The following IGF2BP1 variants were observed in gnomAD, a reference collection of about 807,000 sequenced individuals.
IGF2BP1 encodes insulin like growth factor 2 mRNA binding protein 1.
In IGF2BP1, 11 loss-of-function variants were observed where a neutral mutation model predicts 74.9. The observed-to-expected ratio is 0.15, with a 90% CI of 0.09 to 0.24. IGF2BP1 has a LOEUF of 0.24. Ranked by LOEUF, IGF2BP1 falls within the 10% of genes least tolerant of loss-of-function variation. The pLI is 1.00. For missense variants in IGF2BP1, 440 were observed against 757.4 expected (o/e 0.58, Z 4.92); for synonymous variants, 287 against 281.8 (o/e 1.02, Z -0.18).
Position 49,046,257 on chromosome 17 carries a change from C to T in IGF2BP1, c.1528-3C>T. 6.2e-7 allele frequency: 1 copy of T among 1,613,072 alleles called. No homozygotes were observed. Among genetic ancestry groups the T allele is most frequent in the Non-Finnish European group, 8.5e-7 (1 of 1,179,014 alleles). On this transcript the variant is annotated splice_polypyrimidine_tract_variant and splice_region_variant and intron_variant, in intron 13 of 14. Transcript: ENST00000290341. ...CCCTGAGCTCCTCTCTGGCCACCCC[C>T]AGGTGAACGAGTTGCAGAATTTGAC...
intron 5 of IGF2BP1, among the ~76,000 whole-genome samples, chr17:49,033,104 G>A (rs1381895397): frequency 1.3e-5 from 2 of 151,968 alleles, no homozygotes; most frequent in African/African-American, 2.4e-5. Context: ...CAGCCACCTC[G>A]CCTGCCCTTT....
At position 49,023,424 on chromosome 17, in the gene IGF2BP1, G is replaced by C. The variant is rs192079188; in HGVS notation, c.237-2194G>C. On this transcript the variant is annotated intron_variant, in intron 2 of 14. Transcript: ENST00000290341. ...ACATTTAGAATTGCAGGCTAGAAAA[G>C]ATCATAAAGATCTTGCTGTACCCAC... is the stretch of plus-strand genomic sequence containing the variant. Among the ~76,000 whole-genome samples, 22 of 151,892 alleles carry C rather than the reference G, an allele frequency of 1.4e-4. No individual in the cohort carries two copies. In the East Asian group the frequency reaches 3.3e-3, roughly 23 times the overall value.
intron 2 of IGF2BP1, among the ~76,000 whole-genome samples, chr17:49,017,436 G>A (rs1401650058): frequency 6.6e-6 from 1 of 151,938 alleles, no homozygotes; most frequent in East Asian, 1.9e-4. Flanking sequence ...TATTTTCTAC[G>A]AGTCATATTA....
At chr17:49,028,358 A>C (rs775453868) in intron 4 of IGF2BP1, among the ~76,000 whole-genome samples, 1 of 152,228 alleles carries the variant, frequency 6.6e-6, no homozygotes, top group Non-Finnish European at 1.5e-5. Flanking sequence ...ATAAATGATT[A>C]TAAATGATGA....
At chr17:49,016,818 C>T (rs1270970982) in intron 2 of IGF2BP1, among the ~76,000 whole-genome samples, 2 of 135,950 alleles carry the variant, frequency 1.5e-5, no homozygotes, top group Non-Finnish European at 3.2e-5. Context: ...TGTCCTCCTG[C>T]CCCCCCGCCT....
At chr17:49,026,996 C>T (rs748634886) in intron 4 of IGF2BP1, among the ~76,000 whole-genome samples, 5 of 152,222 alleles carry the variant, frequency 3.3e-5, no homozygotes, top group Non-Finnish European at 5.9e-5. Context: ...CCGCCTCAGC[C>T]TCCCAAAATG....
intron 6 of IGF2BP1, among the ~76,000 whole-genome samples, chr17:49,038,837 C>G (rs2144116316): frequency 6.6e-6 from 1 of 151,848 alleles, no homozygotes; most frequent in East Asian, 1.9e-4. Flanking sequence ...TAATTGTGTC[C>G]CATCTCCCAT....
At chr17:49,048,585 G>T (rs2042131845) in intron 14 of IGF2BP1, among the ~76,000 whole-genome samples, 1 of 152,002 alleles carries the variant, frequency 6.6e-6, no homozygotes, top group South Asian at 2.1e-4. Context: ...TTTTCCTGGG[G>T]TATTAAAATG....
intron 2 of IGF2BP1, chr17:49,015,087 C>T (rs902748512): frequency 4.3e-6 from 1 of 230,510 alleles, no homozygotes; most frequent in Non-Finnish European, 7.2e-6. Flanking sequence ...TCAATGCAAC[C>T]TCAGCCTCCC....
At chr17:49,044,930 G>A (rs935078690) in intron 11 of IGF2BP1, 61 bp from the exon 12 acceptor site, 1 of 1,392,290 alleles carries the variant, frequency 7.2e-7, no homozygotes, top group African/African-American at 1.4e-5. Context: ...ACTGGATGAA[G>A]TGGACATGGT....
intron 2 of IGF2BP1, among the ~76,000 whole-genome samples, chr17:49,021,186 T>G (rs907602971): frequency 1.9e-4 from 29 of 151,298 alleles, no homozygotes; most frequent in African/African-American, 6.8e-4. Context: ...TTGAGAACTG[T>G]TTTCTTTTCT....
chr17:49,021,514 C>T (rs936261701), intron 2 of IGF2BP1, among the ~76,000 whole-genome samples: 3 of 152,130 alleles, frequency 2.0e-5, no homozygotes, highest in South Asian at 4.1e-4. Context: ...CCGCCCCCGT[C>T]CCCACGTGCC....
Position 49,055,781 on chromosome 17 carries a change from G to A in IGF2BP1, c.*6337G>A, listed in dbSNP as rs535266209. On this transcript the variant is annotated 3_prime_UTR_variant, in exon 15 of 15. Transcript: ENST00000290341. ...ACATCACTTACTCAGAAGAGGGAAC[G>A]ATGTATTTTGATGAGTGCAAATTGG... is the stretch of plus-strand genomic sequence containing the variant. The A allele has an allele frequency of 4.4e-4, 167 of 382,854 alleles. No homozygotes were observed. The highest frequency in any genetic ancestry group is 2.8e-3 in the South Asian group (21 of 7,370). The allele number at this position is 382,854 out of a possible 1,614,324, so 23.7% of individuals were successfully genotyped here. A position where few individuals can be genotyped will look rare whatever the true frequency, so the allele number is the denominator to read the frequency against.
At chr17:49,006,353 C>T (rs190592533) in intron 2 of IGF2BP1, among the ~76,000 whole-genome samples, 12 of 152,286 alleles carry the variant, frequency 7.9e-5, no homozygotes, top group Admixed American at 2.6e-4. Flanking sequence ...TACCCTAGGT[C>T]TCTCACTCAT....
chr17:49,036,149 T>C (rs1249706210), intron 5 of IGF2BP1, among the ~76,000 whole-genome samples: 2 of 152,114 alleles, frequency 1.3e-5, no homozygotes, highest in Non-Finnish European at 2.9e-5. Flanking sequence ...ATATAGCAGG[T>C]AGTAAAATGG....
intron 4 of IGF2BP1, among the ~76,000 whole-genome samples, chr17:49,028,941 G>A (rs2144068803): frequency 6.6e-6 from 1 of 152,220 alleles, no homozygotes; most frequent in Non-Finnish European, 1.5e-5. Flanking sequence ...CAAGTAGCTG[G>A]GATTACAGGC....
At chr17:49,004,549 A>G (rs1598122060) in intron 2 of IGF2BP1, 1 of 152,238 alleles carries the variant, frequency 6.6e-6, no homozygotes, top group African/African-American at 2.4e-5. Context: ...TTAAGTGTCA[A>G]TTTAAGTAAC....
intron 2 of IGF2BP1, among the ~76,000 whole-genome samples, chr17:49,017,575 G>A (rs1433449110): frequency 2.6e-5 from 4 of 152,114 alleles, no homozygotes; most frequent in Admixed American, 6.5e-5. Flanking sequence ...TAGAAATCTA[G>A]TATTCTAAAC....
rs1555594004 is a variant in IGF2BP1 at position 48,999,961 on chromosome 17, T to TGTTC, written c.236+795_236+798dup. On this transcript the variant is annotated intron_variant, in intron 2 of 14. Transcript: ENST00000290341. ...GTGTGTGTGTGTGTGTGTGTGTGTG[T>TGTTC]GTTCGTGTGTGTTCCAATACCCTCT... Among the ~76,000 whole-genome samples the TGTTC allele has an allele frequency of 4.1e-3, 616 of 150,100 alleles. 7 individuals are homozygous for TGTTC. Among genetic ancestry groups the TGTTC allele is most frequent in the African/African-American group, 0.014 (583 of 40,834 alleles).
Sources: gnomAD v4.1 joint callset for allele counts (sites outside exome capture counted in the v4.1 genomes callset) on GRCh38, gnomAD v4.1.1 for gene constraint, MANE v1.5 for transcripts, NCBI Gene and HGNC (gene_info 2026-07-23, HGNC 2026-07-21) for gene names.